The following SIMC1 variants were observed in gnomAD, a reference collection of about 807,000 sequenced individuals.
SIMC1 encodes the protein SUMO interacting motifs containing 1.
In SIMC1, 55 loss-of-function variants were observed where a neutral mutation model predicts 82.3. The observed-to-expected ratio is 0.67, with a 90% CI of 0.54 to 0.84. The LOEUF (loss-of-function observed/expected upper bound fraction) is 0.84, where lower values mean the gene tolerates loss of function less well. Among genes scored for constraint, SIMC1 ranks in the 40% least tolerant of loss-of-function variants. The pLI is 0.00. For synonymous variants in SIMC1, 353 were observed against 426.3 expected (o/e 0.83, Z 2.12); for missense variants, 915 against 1,107.2 (o/e 0.83, Z 2.46).
intron 1 of SIMC1, among the ~76,000 whole-genome samples, chr5:176,266,034 A>C (rs141198070): frequency 1.4e-5 from 2 of 146,822 alleles, no homozygotes; most frequent in Non-Finnish European, 3.1e-5. Flanking sequence ...ACTCTCTCCA[A>C]AATTTGAAGA....
chr5:176,246,404 A>AGG (rs1260539930), intron 1 of SIMC1, among the ~76,000 whole-genome samples: 8 of 133,998 alleles, frequency 6.0e-5, no homozygotes, highest in Non-Finnish European at 9.5e-5. Flanking sequence ...ATAATAGTTC[A>AGG]GGGGTGTGTG....
chr5:176,294,063 T>C (rs1337941184), intron 2 of SIMC1, among the ~76,000 whole-genome samples: 4 of 152,184 alleles, frequency 2.6e-5, no homozygotes, highest in South Asian at 2.1e-4. Flanking sequence ...TTCTTTCTTA[T>C]CTATTTCGGT....
intron 1 of SIMC1, among the ~76,000 whole-genome samples, chr5:176,242,474 C>T (rs1290283257): frequency 1.3e-5 from 2 of 148,308 alleles, no homozygotes; most frequent in South Asian, 2.1e-4. Context: ...ATATTTTATG[C>T]ATTCAGGACA....
rs76113584 is a variant in SIMC1 at position 176,328,411 on chromosome 5, A to T, written c.2171+3654A>T. ...GAATGGGATAAAAAGGAGAAAAGGT[A>T]CTGGGCTCGGTGGTAATGGTGGCAG... On this transcript the variant is annotated intron_variant, in intron 7 of 9. Coordinates refer to ENST00000429602, the MANE Select transcript of SIMC1 (RefSeq NM_001308195.2). Among the ~76,000 whole-genome samples, 827 of 152,142 alleles carry T rather than the reference A, an allele frequency of 5.4e-3. 20 individuals are homozygous for T. Among genetic ancestry groups the T allele is most frequent in the Admixed American group, 0.037 (571 of 15,274 alleles).
intron 1 of SIMC1, among the ~76,000 whole-genome samples, chr5:176,273,499 CT>C (rs1483524546): frequency 6.6e-6 from 1 of 151,924 alleles, no homozygotes. Flanking sequence ...AGCAGAAAAG[CT>C]GAAAAAAAAA....
chr5:176,320,129 G>C (rs1326605363), intron 5 of SIMC1, among the ~76,000 whole-genome samples: 1 of 152,128 alleles, frequency 6.6e-6, no homozygotes, highest in Non-Finnish European at 1.5e-5. Flanking sequence ...ACACGTGTGA[G>C]AAGATAGCAA....
intron 1 of SIMC1, among the ~76,000 whole-genome samples, chr5:176,276,499 A>C (rs1023371581): frequency 1.3e-5 from 2 of 149,748 alleles, no homozygotes; most frequent in African/African-American, 4.9e-5. Flanking sequence ...CACATTGTGC[A>C]GGTTAGTTAC....
chr5:176,328,529 G>A (rs1189306908), intron 7 of SIMC1, among the ~76,000 whole-genome samples: 1 of 151,968 alleles, frequency 6.6e-6, no homozygotes, highest in East Asian at 1.9e-4. Context: ...TATGCCTGGG[G>A]TTCAACATTT....
chr5:176,322,299 C>T lies in SIMC1; in HGVS notation c.1916C>T (p.Ala639Val), dbSNP rs1311984947. 9 of 1,569,746 alleles carry T rather than the reference C, an allele frequency of 5.7e-6. No individual in the cohort carries two copies. Among genetic ancestry groups the T allele is most frequent in the Non-Finnish European group, 7.8e-6 (9 of 1,156,916 alleles). ...VRDVIKWLVK[A>V]VTEDGLTQPP... ...GATGTTATCAAGTGGCTGGTCAAAG[C>T]AGTAACTGAAGATGGATTGACTCAG... Residue 639 changes from alanine (A) to valine (V), a missense_variant, in exon 6 of 10, where the codon GCA (alanine) becomes GTA (valine). Ala to Val is a moderately conservative substitution (Grantham distance 64). Around this residue, in one of 2 missense-constraint regions of SIMC1, gnomAD observed 902 missense variants for 1,040.3 expected, o/e 0.87. Transcript: ENST00000429602.
chr5:176,252,261 G>A (rs1243789393), intron 1 of SIMC1, among the ~76,000 whole-genome samples: 10 of 151,724 alleles, frequency 6.6e-5, no homozygotes, highest in Non-Finnish European at 1.3e-4. Context: ...GCTAGGCGGG[G>A]GCTGACCCCC....
intron 1 of SIMC1, among the ~76,000 whole-genome samples, chr5:176,272,187 A>AG (rs1295171105): frequency 7.0e-6 from 1 of 143,018 alleles, no homozygotes; most frequent in Non-Finnish European, 1.5e-5. Context: ...AAAAAAAAAA[A>AG]AAAAAAAAAA....
intron 1 of SIMC1, among the ~76,000 whole-genome samples, chr5:176,252,467 G>A (rs533666275): frequency 3.5e-4 from 53 of 151,274 alleles, no homozygotes; most frequent in African/African-American, 8.0e-4. Context: ...AGATGGGGTC[G>A]CGGCTGGGCA....
At chr5:176,326,016 G>A (rs1383126376) in intron 7 of SIMC1, among the ~76,000 whole-genome samples, 1 of 152,190 alleles carries the variant, frequency 6.6e-6, no homozygotes, top group East Asian at 1.9e-4. Context: ...CCTTGACCCA[G>A]TAATTTTAAA....
chr5:176,325,826 G>T (rs1310980391), intron 7 of SIMC1, among the ~76,000 whole-genome samples: 3 of 152,128 alleles, frequency 2.0e-5, no homozygotes, highest in Admixed American at 1.3e-4. Context: ...GTGGGTGAAT[G>T]AAATAGATAT....
At chr5:176,307,066 C>T (rs1431407792) in intron 4 of SIMC1, among the ~76,000 whole-genome samples, 3 of 152,090 alleles carry the variant, frequency 2.0e-5, no homozygotes, top group African/African-American at 4.8e-5. Flanking sequence ...CTCAATATAA[C>T]TAGTTATTAG....
rs143349414 is a variant in SIMC1, at chr5:176,289,693, A to G, written c.169A>G (p.Lys57Glu). 427 of 1,611,786 alleles carry G rather than the reference A, an allele frequency of 2.6e-4. No individual in the cohort carries two copies. The highest frequency in any genetic ancestry group is 3.5e-4 in the Non-Finnish European group (415 of 1,179,010). Residue 57 changes from lysine (K) to glutamate (E), a missense_variant, in exon 2 of 10, where the codon AAA (lysine) becomes GAA (glutamate). Physicochemically the swap from Lys to Glu is moderately conservative, Grantham distance 56 (BLOSUM62 1). Coordinates refer to ENST00000429602, the MANE Select transcript of SIMC1 (RefSeq NM_001308195.2). ...DLTRETRPRT[K>E]DRSGLYVIDL... ...AACTAGAGAGACCAGACCAAGGACA[A>G]AAGATCGCAGTGGACTGTATGTGAT...
At chr5:176,311,418 A>G in intron 4 of SIMC1, among the ~76,000 whole-genome samples, 1 of 151,626 alleles carries the variant, frequency 6.6e-6, no homozygotes, top group Non-Finnish European at 1.5e-5. Flanking sequence ...TTTTATTTTT[A>G]TTTTTGTAGA....
intron 1 of SIMC1, among the ~76,000 whole-genome samples, chr5:176,274,275 ATG>A (rs1473934261): frequency 7.4e-6 from 1 of 135,712 alleles, no homozygotes; most frequent in Non-Finnish European, 1.6e-5. Flanking sequence ...GCATTTTTTC[ATG>A]TGTTTTTTGG....
intron 9 of SIMC1, among the ~76,000 whole-genome samples, chr5:176,340,524 C>T (rs1040428714): frequency 3.3e-5 from 5 of 152,230 alleles, no homozygotes; most frequent in South Asian, 4.1e-4. Flanking sequence ...GTCACACACA[C>T]GGTCTCCCTG....
Sources: gnomAD v4.1 joint callset for allele counts (sites outside exome capture counted in the v4.1 genomes callset) on GRCh38, gnomAD v4.1.1 for gene constraint, gnomAD v4.1.1 regional missense constraint, MANE v1.5 for transcripts, NCBI Gene and HGNC (gene_info 2026-07-23, HGNC 2026-07-21) for gene names.